Variants in RNF38 observed in about 807,000 individuals in gnomAD.
RNF38 encodes E3 ubiquitin-protein ligase RNF38.
In RNF38, 15 loss-of-function variants were observed where a neutral mutation model predicts 67.2. The ratio of observed to expected loss-of-function variants is 0.22; its 90% CI spans 0.15 to 0.34. The LOEUF (loss-of-function observed/expected upper bound fraction) is 0.34. Among genes scored for constraint, RNF38 ranks in the 10% least tolerant of loss-of-function variants. The pLI, the probability that RNF38 is intolerant of heterozygous loss-of-function variation, is 1.00. For synonymous variants in RNF38, 220 were observed against 218.8 expected (o/e 1.01, Z -0.05); for missense variants, 524 against 639.9 (o/e 0.82, Z 1.95).
intron 10 of RNF38, among the ~76,000 whole-genome samples, chr9:36,342,632 A>G (rs1209808443): frequency 6.6e-6 from 1 of 152,222 alleles, no homozygotes; most frequent in Non-Finnish European, 1.5e-5. Context: ...ATTTCTAGTT[A>G]ACATCAAGTC....
At chr9:36,361,213 G>A (rs1366010801) in intron 4 of RNF38, among the ~76,000 whole-genome samples, 2 of 151,862 alleles carry the variant, frequency 1.3e-5, no homozygotes, top group African/African-American at 2.4e-5. Flanking sequence ...GTGCAGTGGC[G>A]TGATCTCGGC....
chr9:36,353,362 G>GTATA (rs558042917), intron 6 of RNF38, 31 bp from the exon 7 acceptor site: 27 of 1,315,634 alleles, frequency 2.1e-5, no homozygotes, highest in African/African-American at 6.1e-5. Context: ...ACACATATAT[G>GTATA]TATATATATA....
Position 36,460,831 on chromosome 9 carries a change from GA to G in RNF38, n.241+26476del, listed in dbSNP as rs1455142669. On this transcript the variant is annotated intron_variant and non_coding_transcript_variant, in intron 1 of 3. Coordinates refer to the RNF38 transcript ENST00000488058. The stretch of plus-strand genomic sequence containing the variant: ...GAACCCAGGAGGTGAAGGTTGCAGC[GA>G]GCCGAGATTGCACCATTGCACTCCA... 1.9e-4 allele frequency among the ~76,000 whole-genome samples: 27 copies of G among 144,774 alleles called. 1 individual carries two copies. In the South Asian group the frequency reaches 5.8e-3, roughly 31 times the overall value. 95.0% of individuals were successfully genotyped at this position (144,774 alleles called of 152,430 possible).
intron 8 of RNF38, among the ~76,000 whole-genome samples, chr9:36,352,479 A>G (rs1341271996): frequency 2.0e-5 from 3 of 152,190 alleles, no homozygotes; most frequent in African/African-American, 7.2e-5. Context: ...TATCAGTTGT[A>G]AAAGAGGCAG....
At position 36,388,719 on chromosome 9, in the gene RNF38, G is replaced by A. The variant is rs147271768; in HGVS notation, c.162+1748C>T. On this transcript the variant is annotated intron_variant, in intron 2 of 11. Coordinates refer to ENST00000259605, the MANE Select transcript of RNF38 (RefSeq NM_022781.5). ...AAGACAGGAGTTTAAAGGAAGCAGA[G>A]AGGGTGCCTTAGAAAAAAATGAAAA... is the stretch of plus-strand genomic sequence containing the variant. 2.8e-3 allele frequency among the ~76,000 whole-genome samples: 419 copies of A among 152,260 alleles called. 2 individuals are homozygous for A. The highest frequency in any genetic ancestry group is 8.8e-3 in the African/African-American group (365 of 41,550).
At chr9:36,454,580 CTTTTTTTTTT>C (rs377679133) in intron 1 of RNF38, among the ~76,000 whole-genome samples, 1 of 112,466 alleles carries the variant, frequency 8.9e-6, no homozygotes, top group African/African-American at 3.4e-5. Flanking sequence ...CATTAATTTA[CTTTTTTTTTT>C]TTTTTTTTTT....
chr9:36,380,501 GT>G (rs35339857), intron 2 of RNF38, among the ~76,000 whole-genome samples: 69 of 148,310 alleles, frequency 4.7e-4, no homozygotes, highest in Non-Finnish European at 8.7e-4. Flanking sequence ...CGCCCGGCCT[GT>G]TTTTTTTTTA....
At chr9:36,468,725 T>C (rs1839924672) in intron 1 of RNF38, among the ~76,000 whole-genome samples, 1 of 151,730 alleles carries the variant, frequency 6.6e-6, no homozygotes, top group Non-Finnish European at 1.5e-5. Flanking sequence ...GGCATGAGAA[T>C]TGCTTGAACC....
chr9:36,405,106 A>T (rs1838146248), upstream of RNF38, among the ~76,000 whole-genome samples: 1 of 152,108 alleles, frequency 6.6e-6, no homozygotes, highest in Non-Finnish European at 1.5e-5. Context: ...CTCTACTAAA[A>T]ACTACAAAAA....
intron 1 of RNF38, among the ~76,000 whole-genome samples, chr9:36,484,444 TTG>T (rs1194424768): frequency 6.6e-6 from 1 of 152,206 alleles, no homozygotes. Flanking sequence ...AACAAAATTT[TTG>T]TGTGAGAAAT....
At chr9:36,391,388 T>C (rs1837071435) in intron 1 of RNF38, among the ~76,000 whole-genome samples, 1 of 152,002 alleles carries the variant, frequency 6.6e-6, no homozygotes, top group South Asian at 2.1e-4. Context: ...CTCTGTAACA[T>C]TAAAAAAAAA....
intron 2 of RNF38, among the ~76,000 whole-genome samples, chr9:36,424,455 A>G (rs771529670): frequency 3.3e-5 from 5 of 152,208 alleles, no homozygotes; most frequent in Non-Finnish European, 5.9e-5. Flanking sequence ...GGAGCAGTCA[A>G]TAATTTGACA....
intron 11 of RNF38, among the ~76,000 whole-genome samples, chr9:36,340,930 A>G (rs1335513271): frequency 6.6e-6 from 1 of 152,084 alleles, no homozygotes; most frequent in East Asian, 1.9e-4. Flanking sequence ...TCTGCATTAC[A>G]GTAATTCTCA....
chr9:36,416,146 G>A (rs1470940013), intron 2 of RNF38, among the ~76,000 whole-genome samples: 1 of 142,698 alleles, frequency 7.0e-6, no homozygotes, highest in Non-Finnish European at 1.5e-5. Flanking sequence ...AGGCATATCT[G>A]AGACTCTCCT....
At chr9:36,462,407 G>C (rs979803683) in intron 1 of RNF38, among the ~76,000 whole-genome samples, 1 of 152,040 alleles carries the variant, frequency 6.6e-6, no homozygotes, top group Non-Finnish European at 1.5e-5. Context: ...CAGCACAGCG[G>C]CCAGAAAGAT....
At chr9:36,477,196 C>T (rs1194466578) in intron 1 of RNF38, among the ~76,000 whole-genome samples, 5 of 151,530 alleles carry the variant, frequency 3.3e-5, no homozygotes, top group Admixed American at 6.6e-5. Context: ...TGGTGGTGGG[C>T]GCCTGTAATT....
At chr9:36,479,972 T>C (rs1840210667) in intron 1 of RNF38, among the ~76,000 whole-genome samples, 1 of 151,924 alleles carries the variant, frequency 6.6e-6, no homozygotes, top group Non-Finnish European at 1.5e-5. Flanking sequence ...TCTGTAAATG[T>C]GAATTTTTAT....
At chr9:36,353,405 A>G in intron 6 of RNF38, 74 bp from the exon 7 acceptor site, 1 of 1,072,228 alleles carries the variant, frequency 9.3e-7, no homozygotes, top group Non-Finnish European at 1.3e-6. Flanking sequence ...ATTATGCTTT[A>G]TAATAATCAC....
intron 4 of RNF38, among the ~76,000 whole-genome samples, chr9:36,361,154 T>C (rs1587505250): frequency 6.6e-6 from 1 of 151,820 alleles, no homozygotes; most frequent in Non-Finnish European, 1.5e-5. Context: ...CATCAGATTG[T>C]ATAGTCATTT....
Sources: gnomAD v4.1 joint callset for allele counts (sites outside exome capture counted in the v4.1 genomes callset) on GRCh38, gnomAD v4.1.1 for gene constraint, MANE v1.5 for transcripts, NCBI Gene and HGNC (gene_info 2026-07-23, HGNC 2026-07-21) for gene names.